SLC35F6: variants seen among roughly 807,000 people sequenced by gnomAD.
SLC35F6 encodes ANT2-binding protein.
Under a neutral mutation model 29.4 loss-of-function variants are expected in SLC35F6, and 26 were observed. The observed-to-expected ratio is 0.89, with a 90% CI of 0.65 to 1.23. The LOEUF (loss-of-function observed/expected upper bound fraction) is 1.23. SLC35F6 is among the 50% of genes most tolerant of loss of function. The pLI, the probability that SLC35F6 is intolerant of heterozygous loss-of-function variation, is 0.00. For synonymous variants in SLC35F6, 174 were observed against 206.6 expected, an observed-to-expected ratio of 0.84 and a Z score of 1.35; for missense variants, 428 against 487.8, an observed-to-expected ratio of 0.88 and a Z score of 1.15.
chr2:26,775,775 C>A lies in SLC35F6; in HGVS notation c.535+99C>A, dbSNP rs1664289072. ...ACAAGCTCTGCCATGTGCCATATAC[C>A]AAGCCCTGGGTGAGGTGGGTAGCTC... is the stretch of plus-strand genomic sequence containing the variant. On this transcript the variant is annotated intron_variant, in intron 4 of 5. Transcript: ENST00000344420. The surrounding 1 kb of genome is among the most constrained non-coding windows in gnomAD (Gnocchi z 4.6). The A allele has an allele frequency of 3.0e-6, 4 of 1,338,518 alleles. No individual in the cohort carries two copies. The highest frequency in any genetic ancestry group is 4.0e-6 in the Non-Finnish European group (4 of 1,004,142). 82.9% of individuals were successfully genotyped at this position (1,338,518 alleles called of 1,614,324 possible).
chr2:26,769,888 T>C (rs1488204884), intron 1 of SLC35F6, among the ~76,000 whole-genome samples: 1 of 152,206 alleles, frequency 6.6e-6, no homozygotes, highest in Non-Finnish European at 1.5e-5. Context: ...CATGTATTGC[T>C]TCTGACAGTT....
intron 1 of SLC35F6, among the ~76,000 whole-genome samples, chr2:26,773,049 T>G (rs1207442334): frequency 6.6e-6 from 1 of 152,184 alleles, no homozygotes; most frequent in Admixed American, 6.6e-5. Flanking sequence ...TCAGGCTTTT[T>G]GAAGGTGAGC....
In SLC35F6 at chr2:26,779,811, CAGCCTTTTTTTTTTTTTTTTTTTTT is replaced by C; in HGVS notation, c.*1301_*1325del. On this transcript the variant is annotated 3_prime_UTR_variant, in exon 6 of 6. Transcript: ENST00000344420. The stretch of plus-strand genomic sequence containing the variant: ...GGTTACAGGCATGAGCCACCACGCC[CAGCCTTTTTTTTTTTTTTTTTTTTT>C]TCTTGAGAGACAGGGTCTTGCTCTG... 6.8e-6 allele frequency: 1 copy of C among 146,106 alleles called. No individual in the cohort carries two copies. The highest frequency in any genetic ancestry group is 1.5e-5 in the Non-Finnish European group (1 of 66,642). 9.1% of individuals were successfully genotyped at this position (146,106 alleles called of 1,614,324 possible). A position where few individuals can be genotyped will look rare whatever the true frequency, so the allele number is the denominator to read the frequency against.
In SLC35F6 at chr2:26,775,423, C is replaced by G. The variant is rs756977609; in HGVS notation, c.323-41C>G. 1 of 1,598,424 alleles carries G rather than the reference C, an allele frequency of 6.3e-7. No homozygotes were observed. The highest frequency in any genetic ancestry group is 1.7e-5 in the Admixed American group (1 of 58,734). On this transcript the variant is annotated intron_variant, in intron 3 of 5. Coordinates refer to ENST00000344420, the MANE Select transcript of SLC35F6 (RefSeq NM_017877.4). The surrounding 1 kb of genome is among the most constrained non-coding windows in gnomAD (Gnocchi z 4.6). ...AGACCCCTTAGTGACAGATGGCCTT[C>G]GCCTTGGGAAGCTAACTGTAATTTG...
chr2:26,769,051 T>A (rs1664143828), intron 1 of SLC35F6, among the ~76,000 whole-genome samples: 1 of 152,178 alleles, frequency 6.6e-6, no homozygotes, highest in Non-Finnish European at 1.5e-5. Context: ...TTGGCCCTTC[T>A]GTAGGTCCCA....
intron 1 of SLC35F6, among the ~76,000 whole-genome samples, chr2:26,768,585 CG>C (rs1664136349): frequency 6.6e-6 from 1 of 151,380 alleles, no homozygotes; most frequent in African/African-American, 2.4e-5. Context: ...AGGATGGTCT[CG>C]ATCTCCTGAC....
At chr2:26,777,997 G>T in intron 5 of SLC35F6, 45 bp from the exon 6 acceptor site, 2 of 1,562,768 alleles carry the variant, frequency 1.3e-6, no homozygotes, top group Non-Finnish European at 1.7e-6. Context: ...TGTGCTGGGG[G>T]TCTGGGGGAA....
rs1664065000 is a variant in SLC35F6, at chr2:26,764,794, G to A, written c.77+368G>A. On this transcript the variant is annotated intron_variant, in intron 1 of 5. Transcript: ENST00000344420. ...GGACTTGTGCACATGAGCCGCAGTA[G>A]TGGCTGTGCAGGCCGAGTGACCCAG... 5 of 985,422 alleles carry A rather than the reference G, an allele frequency of 5.1e-6. No homozygotes were observed. The South Asian group carries it at 2.3e-4, about 46-fold the overall frequency. 61.0% of individuals were successfully genotyped at this position (985,422 alleles called of 1,614,324 possible). A position where few individuals can be genotyped will look rare whatever the true frequency, so the allele number is the denominator to read the frequency against.
chr2:26,774,163 G>A (rs13007156), intron 1 of SLC35F6, 88 bp from the exon 2 acceptor site: 585,347 of 1,518,412 alleles, frequency 0.39, 117,809 homozygotes, highest in Admixed American at 0.5. Context: ...CCCAGGTCTG[G>A]GCCTCTTGAC....
chr2:26,771,982 T>C (rs575024637), intron 1 of SLC35F6, among the ~76,000 whole-genome samples: 39 of 151,472 alleles, frequency 2.6e-4, no homozygotes, highest in African/African-American at 9.1e-4. Flanking sequence ...TCTCTCTGCC[T>C]TCTAAACAGT....
At chr2:26,765,113 C>A in intron 1 of SLC35F6, 2 of 627,634 alleles carry the variant, frequency 3.2e-6, no homozygotes, top group South Asian at 7.1e-5. Context: ...AAAACCACTC[C>A]AAGGCTGCTG....
chr2:26,775,126 C>A lies in SLC35F6; in HGVS notation c.233C>A (p.Ser78Tyr), dbSNP rs116799060. 5 of 1,614,154 alleles carry A rather than the reference C, an allele frequency of 3.1e-6. No individual in the cohort carries two copies. The highest frequency in any genetic ancestry group is 4.2e-6 in the Non-Finnish European group (5 of 1,180,040). ...TGCAGAGCTGCAGGGCAATCAGACT[C>A]CAGCGTAGACCCCCAGCAGCCCTTC... ...LRCRAAGQSD[S>Y]SVDPQQPFNP... Residue 78 changes from serine (S) to tyrosine (Y), a missense_variant, in exon 3 of 6, where the codon TCC becomes TAC. Physicochemically the swap from Ser to Tyr is moderately radical, Grantham distance 144. Coordinates refer to ENST00000344420, the MANE Select transcript of SLC35F6 (RefSeq NM_017877.4). The surrounding 1 kb of genome is among the most constrained non-coding windows in gnomAD (Gnocchi z 4.6).
chr2:26,766,167 A>G (rs1268075288), intron 1 of SLC35F6, among the ~76,000 whole-genome samples: 1 of 152,072 alleles, frequency 6.6e-6, no homozygotes, highest in African/African-American at 2.4e-5. Flanking sequence ...GCCTCTCAGG[A>G]TCCTCCCACC....
At chr2:26,774,131 G>A in intron 1 of SLC35F6, 120 bp from the exon 2 acceptor site, 1 of 1,083,950 alleles carries the variant, frequency 9.2e-7, no homozygotes, top group Non-Finnish European at 1.4e-6. Flanking sequence ...TTGAGAGGGA[G>A]CCCCACTCTG....
chr2:26,774,970 A>G, intron 2 of SLC35F6, 74 bp from the exon 3 acceptor site: 1 of 1,474,780 alleles, frequency 6.8e-7, no homozygotes, highest in Admixed American at 2.5e-5. Flanking sequence ...AAAAGTTTGC[A>G]TTAAAAAAAA....
intron 1 of SLC35F6, among the ~76,000 whole-genome samples, chr2:26,771,213 C>A (rs1005977850): frequency 1.1e-4 from 16 of 152,216 alleles, no homozygotes; most frequent in Non-Finnish European, 1.9e-4. Flanking sequence ...GAGGGGTTTC[C>A]CCTATGGACC....
intron 1 of SLC35F6, chr2:26,764,728 C>G (rs1664063347): frequency 5.3e-6 from 5 of 935,362 alleles, no homozygotes; most frequent in Middle Eastern, 5.4e-4. Context: ...TGCTGGCGTC[C>G]AAGCCTGAGC....
intron 1 of SLC35F6, among the ~76,000 whole-genome samples, chr2:26,770,576 G>T (rs10181361): frequency 0.049 from 7,409 of 152,100 alleles, 632 homozygotes; most frequent in African/African-American, 0.17. Flanking sequence ...AAATTAGCTG[G>T]GCATGGTGGT....
At chr2:26,777,516 C>G (rs768335699) in intron 5 of SLC35F6, among the ~76,000 whole-genome samples, 42 of 152,204 alleles carry the variant, frequency 2.8e-4, no homozygotes, top group Admixed American at 5.2e-4. Flanking sequence ...CAGTCTATTT[C>G]CACTCATTTC....
Sources: gnomAD v4.1 joint callset for allele counts (sites outside exome capture counted in the v4.1 genomes callset) on GRCh38, gnomAD v4.1.1 for gene constraint, Gnocchi (gnomAD v3.1) non-coding constraint, MANE v1.5 for transcripts, NCBI Gene and HGNC (gene_info 2026-07-23, HGNC 2026-07-21) for gene names.